TBCK: variants seen among roughly 807,000 people sequenced by gnomAD.
The protein encoded by TBCK is TBC1 domain containing kinase.
Under a neutral mutation model 113.4 loss-of-function variants are expected in TBCK, and 99 were observed. The observed-to-expected ratio is 0.87, with a 90% CI of 0.74 to 1.03. The LOEUF (loss-of-function observed/expected upper bound fraction) is 1.03. TBCK is among the 50% of genes least tolerant of loss of function. The pLI, the probability that TBCK is intolerant of heterozygous loss-of-function variation, is 0.00. For synonymous variants in TBCK, 369 were observed against 370.8 expected, an observed-to-expected ratio of 1.00 and a Z score of 0.05; for missense variants, 1,045 against 1,061.3, an observed-to-expected ratio of 0.98 and a Z score of 0.21.
At chr4:106,288,836 C>A (rs1406601263) in intron 3 of TBCK, among the ~76,000 whole-genome samples, 4 of 152,164 alleles carry the variant, frequency 2.6e-5, no homozygotes, top group Non-Finnish European at 5.9e-5. Context: ...AAATTCCACA[C>A]ATAAGTATTT....
At chr4:106,260,393 C>T in intron 5 of TBCK, 44 bp downstream of exon 5, 1 of 777,918 alleles carries the variant, frequency 1.3e-6, no homozygotes, top group South Asian at 3.2e-5. Context: ...TCAAAGATTA[C>T]AAAGTTAAAA....
rs761893256 is a variant in TBCK at position 106,230,335 on chromosome 4, T to C, written c.1774+28A>G. On this transcript the variant is annotated intron_variant, in intron 19 of 25. Transcript: ENST00000394708. The stretch of plus-strand genomic sequence containing the variant: ...CACCAGTACATCAGTAGTTTCTCTG[T>C]AGAAAGACATGGAAGACATTTGCTT... 3 of 1,458,992 alleles carry C rather than the reference T, an allele frequency of 2.1e-6. No individual in the cohort carries two copies. In the East Asian group the frequency reaches 7.0e-5, roughly 34 times the overall value. 90.4% of individuals were successfully genotyped at this position (1,458,992 alleles called of 1,614,324 possible).
chr4:106,230,366 G>A lies in TBCK; in HGVS notation c.1771C>T (p.Gln591Ter), dbSNP rs1057518332. The stretch of plus-strand genomic sequence containing the variant: ...GACATGGAAGACATTTGCTTACCTT[G>A]TATTACATGTGAGTTGTCTTTTAAG... Reference protein sequence around the residue: ...FFLKDNSHVIQEYLTVFSQMI... With the variant: ...FFLKDNSHVI Residue 591 changes from glutamine (Q) to a stop codon, truncating the protein, a stop_gained, in exon 19 of 26, where the codon CAA becomes TAA. Coordinates refer to ENST00000394708, the MANE Select transcript of TBCK (RefSeq NM_001163435.3). LOFTEE classifies it high-confidence loss of function. 4.4e-6 allele frequency: 7 copies of A among 1,577,896 alleles called. No individual in the cohort carries two copies. The highest frequency in any genetic ancestry group is 5.2e-6 in the Non-Finnish European group (6 of 1,152,926).
chr4:106,244,502 CA>C (rs1760535701), intron 11 of TBCK, 123 bp downstream of exon 11: 5 of 886,730 alleles, frequency 5.6e-6, no homozygotes, highest in Non-Finnish European at 6.2e-6. Context: ...GGATGCCTAC[CA>C]AAAAAATTTT....
intron 20 of TBCK, among the ~76,000 whole-genome samples, chr4:106,202,183 T>C (rs945450270): frequency 2.0e-5 from 3 of 148,348 alleles, no homozygotes; most frequent in Non-Finnish European, 4.5e-5. Flanking sequence ...ATACACACTT[T>C]TTTTTTTTTA....
At chr4:106,215,029 C>T (rs1379422801) in intron 19 of TBCK, among the ~76,000 whole-genome samples, 1 of 150,692 alleles carries the variant, frequency 6.6e-6, no homozygotes, top group Non-Finnish European at 1.5e-5. Flanking sequence ...GGCAGAAACC[C>T]TACAAGCCAG....
intron 20 of TBCK, among the ~76,000 whole-genome samples, chr4:106,211,572 A>G (rs920671390): frequency 1.3e-5 from 2 of 152,144 alleles, no homozygotes; most frequent in South Asian, 2.1e-4. Context: ...CCCAGGTCTC[A>G]ATATAAAATG....
intron 23 of TBCK, among the ~76,000 whole-genome samples, chr4:106,145,528 G>A (rs988951193): frequency 4.6e-5 from 7 of 152,112 alleles, no homozygotes; most frequent in East Asian, 1.9e-4. Flanking sequence ...TGACAAAAAA[G>A]TGAATATTGC....
chr4:106,171,066 G>C, intron 23 of TBCK, 29 bp downstream of exon 23: 1 of 1,545,944 alleles, frequency 6.5e-7, no homozygotes, highest in Non-Finnish European at 8.7e-7. Context: ...TCCTTTTAGA[G>C]TTTGTAAACT....
At position 106,073,124 on chromosome 4, in the gene TBCK, C is replaced by G. The variant is rs188929051; in HGVS notation, c.2571+22358G>C. Reference sequence around the variant, plus strand: ...TCAACTTGTCAAAGTCATTCTCCGTCCACCTTTGTTCTGTTGCTGGCAAGA... The same window carrying G: ...TCAACTTGTCAAAGTCATTCTCCGTGCACCTTTGTTCTGTTGCTGGCAAGA... On this transcript the variant is annotated intron_variant, in intron 25 of 25. Transcript: ENST00000394708. Among the ~76,000 whole-genome samples, 127 of 152,308 alleles carry G rather than the reference C, an allele frequency of 8.3e-4. 3 individuals are homozygous for G. The highest frequency in any genetic ancestry group is 8.1e-3 in the South Asian group (39 of 4,826).
At chr4:106,118,458 T>C (rs1332174787) in intron 23 of TBCK, among the ~76,000 whole-genome samples, 3 of 152,186 alleles carry the variant, frequency 2.0e-5, no homozygotes, top group African/African-American at 7.2e-5. Flanking sequence ...ATATTAAGAA[T>C]TAAAGCTACT....
chr4:106,217,168 C>T (rs1272007420), intron 19 of TBCK, among the ~76,000 whole-genome samples: 7 of 150,252 alleles, frequency 4.7e-5, no homozygotes, highest in South Asian at 2.1e-4. Context: ...AATTCAACAA[C>T]CCTTCATGCT....
At position 106,232,224 on chromosome 4, in the gene TBCK, T is replaced by A. The variant is rs565718586; in HGVS notation, c.1640-445A>T. ...TGAAGTGGATTCCAAATATATGACA[T>A]TTCTTTTATTGATAATAATGATATG... is the stretch of plus-strand genomic sequence containing the variant. On this transcript the variant is annotated intron_variant, in intron 17 of 25. Transcript: ENST00000394708. Among the ~76,000 whole-genome samples, 4 of 151,934 alleles carry A rather than the reference T, an allele frequency of 2.6e-5. 1 individual carries two copies. Among genetic ancestry groups the A allele is most frequent in the African/African-American group, 9.6e-5 (4 of 41,546 alleles).
chr4:106,232,858 G>T, intron 17 of TBCK, 80 bp downstream of exon 17: 1 of 1,370,998 alleles, frequency 7.3e-7, no homozygotes, highest in Non-Finnish European at 1.0e-6. Flanking sequence ...AGGATGTTTA[G>T]ATATTTTAAT....
At chr4:106,114,180 A>AG in intron 24 of TBCK, among the ~76,000 whole-genome samples, 1 of 152,280 alleles carries the variant, frequency 6.6e-6, no homozygotes, top group South Asian at 2.1e-4. Context: ...AAAACAGAAA[A>AG]GGGGGAGATG....
chr4:106,282,885 A>G (rs1011879396), intron 3 of TBCK, among the ~76,000 whole-genome samples: 1 of 152,110 alleles, frequency 6.6e-6, no homozygotes, highest in African/African-American at 2.4e-5. Flanking sequence ...CAGTCACAGT[A>G]ATCAAGAAAA....
intron 23 of TBCK, among the ~76,000 whole-genome samples, chr4:106,122,284 A>G (rs1744507610): frequency 6.6e-6 from 1 of 152,232 alleles, no homozygotes; most frequent in African/African-American, 2.4e-5. Context: ...AAAGAAATGG[A>G]TAAATTCCTC....
At chr4:106,124,535 T>G (rs990151008) in intron 23 of TBCK, among the ~76,000 whole-genome samples, 3 of 152,130 alleles carry the variant, frequency 2.0e-5, no homozygotes, top group Non-Finnish European at 2.9e-5. Context: ...CATGCTGCTA[T>G]AAAGACACAT....
chr4:106,193,670 C>A lies in TBCK; in HGVS notation c.1998G>T (p.Leu666=). Residue 666 remains leucine (L), a synonymous_variant, in exon 22 of 26, where the codon CTG becomes CTT. Transcript: ENST00000394708. ...FCIGVAILQQ[L]RDRLLANGFN... ...AGCCATTAGCCAAAAGCCGGTCCCG[C>A]AGCTGCTGAAGAATTGCTACTCCAA... is the stretch of plus-strand genomic sequence containing the variant. 6.2e-7 allele frequency: 1 copy of A among 1,613,534 alleles called. No individual in the cohort carries two copies. Among genetic ancestry groups the A allele is most frequent in the Non-Finnish European group, 8.5e-7 (1 of 1,179,680 alleles).
Sources: gnomAD v4.1 joint callset for allele counts (sites outside exome capture counted in the v4.1 genomes callset) on GRCh38, gnomAD v4.1.1 for gene constraint, MANE v1.5 for transcripts, NCBI Gene and HGNC (gene_info 2026-07-23, HGNC 2026-07-21) for gene names.